The following HORMAD2 variants were observed in gnomAD, a reference collection of about 807,000 sequenced individuals.
The protein encoded by HORMAD2 is HORMA domain-containing protein 2.
Under a neutral mutation model 38.8 loss-of-function variants are expected in HORMAD2, and 45 were observed. The observed-to-expected ratio is 1.16, with a 90% CI of 0.91 to 1.49. HORMAD2 has a LOEUF of 1.49. HORMAD2 is among the 40% of genes most tolerant of loss of function. The pLI, the probability that HORMAD2 is intolerant of heterozygous loss-of-function variation, is 0.00. For missense variants in HORMAD2, 338 were observed against 367.0 expected, an observed-to-expected ratio of 0.92 and a Z score of 0.65; for synonymous variants, 126 against 122.8, an observed-to-expected ratio of 1.03 and a Z score of -0.17.
intron 10 of HORMAD2, among the ~76,000 whole-genome samples, chr22:30,138,417 C>A (rs569209206): frequency 6.6e-6 from 1 of 152,152 alleles, no homozygotes; most frequent in South Asian, 2.1e-4. Context: ...TTCCTCTCAC[C>A]TTGGCCCCCT....
At chr22:30,170,211 A>G (rs1165424479) in intron 10 of HORMAD2, among the ~76,000 whole-genome samples, 1 of 152,184 alleles carries the variant, frequency 6.6e-6, no homozygotes, top group African/African-American at 2.4e-5. Flanking sequence ...AAGAGAAAAC[A>G]TTTTGCCAGA....
chr22:30,124,250 A>G (rs1190584980), intron 10 of HORMAD2, among the ~76,000 whole-genome samples: 1 of 126,312 alleles, frequency 7.9e-6, no homozygotes, highest in Non-Finnish European at 1.6e-5. Flanking sequence ...TTCATGGAAT[A>G]CATGGAACAC....
intron 10 of HORMAD2, among the ~76,000 whole-genome samples, chr22:30,135,152 G>A (rs1358272026): frequency 6.6e-6 from 1 of 151,908 alleles, no homozygotes; most frequent in Non-Finnish European, 1.5e-5. Flanking sequence ...TAAAATTTCA[G>A]AAGAGAGGTA....
chr22:30,112,420 A>G (rs1601530258), intron 6 of HORMAD2, 76 bp from the exon 7 acceptor site: 1 of 713,248 alleles, frequency 1.4e-6, no homozygotes, highest in East Asian at 3.0e-5. Flanking sequence ...ATTGAACTCT[A>G]TATAAAAAAG....
chr22:30,197,826 T>G, the HORMAD2 span, among the ~76,000 whole-genome samples: 5 of 151,994 alleles, frequency 3.3e-5, no homozygotes, highest in African/African-American at 1.2e-4. Flanking sequence ...GAGATTAGTC[T>G]AAGGTTGAAT....
At chr22:30,087,013 C>T (rs1227290878) in intron 1 of HORMAD2, among the ~76,000 whole-genome samples, 1 of 151,904 alleles carries the variant, frequency 6.6e-6, no homozygotes, top group Non-Finnish European at 1.5e-5. Flanking sequence ...AAGCATGTGC[C>T]ACCACGCCCA....
At chr22:30,118,287 A>C (rs1246950092) in intron 7 of HORMAD2, among the ~76,000 whole-genome samples, 2 of 151,962 alleles carry the variant, frequency 1.3e-5, no homozygotes, top group Non-Finnish European at 2.9e-5. Flanking sequence ...ACCCTAGAAG[A>C]GGCATCCCTC....
intron 10 of HORMAD2, among the ~76,000 whole-genome samples, chr22:30,134,604 A>G (rs1482627872): frequency 6.6e-6 from 1 of 151,562 alleles, no homozygotes; most frequent in East Asian, 1.9e-4. Context: ...ATCCTAATAT[A>G]AATGCTAAAA....
At chr22:30,149,268 CA>C (rs1247969082) in intron 10 of HORMAD2, among the ~76,000 whole-genome samples, 1 of 152,084 alleles carries the variant, frequency 6.6e-6, no homozygotes, top group Non-Finnish European at 1.5e-5. Flanking sequence ...AAATCAATTC[CA>C]AACTTTATGC....
intron 6 of HORMAD2, 91 bp from the exon 7 acceptor site, chr22:30,112,405 C>T (rs1173530497): frequency 3.0e-6 from 2 of 668,266 alleles, no homozygotes; most frequent in South Asian, 1.7e-5. Context: ...ACTAATAGAA[C>T]ACAAATTGAA....
downstream of HORMAD2, among the ~76,000 whole-genome samples, chr22:30,180,469 G>C (rs923736221): frequency 7.2e-5 from 11 of 152,100 alleles, no homozygotes; most frequent in African/African-American, 2.7e-4. Context: ...GGGTAAGCAA[G>C]CAAAGTTAGT....
At chr22:30,136,867 C>G (rs1243074482) in intron 10 of HORMAD2, 1 of 384,862 alleles carries the variant, frequency 2.6e-6, no homozygotes, top group East Asian at 5.0e-5. Flanking sequence ...GATAGGCAAG[C>G]CTTTTCTATG....
downstream of HORMAD2, among the ~76,000 whole-genome samples, chr22:30,181,455 T>C (rs1926714442): frequency 6.6e-6 from 1 of 152,164 alleles, no homozygotes; most frequent in Non-Finnish European, 1.5e-5. Context: ...CGAAACTCCC[T>C]TTCCATCAAG....
chr22:30,128,515 G>T (rs1923035769), intron 10 of HORMAD2, among the ~76,000 whole-genome samples: 1 of 151,888 alleles, frequency 6.6e-6, no homozygotes, highest in African/African-American at 2.4e-5. Flanking sequence ...TCTTGATTTT[G>T]CTATTATAAA....
intron 10 of HORMAD2, among the ~76,000 whole-genome samples, chr22:30,125,241 T>TTTTTTTTTTTTTTTTTTTTTTTTTTTTA (rs1922773230): frequency 1.2e-5 from 1 of 83,046 alleles, no homozygotes; most frequent in African/African-American, 6.9e-5. Flanking sequence ...TTTTTTTTTT[T>TTTTTTTTTTTTTTTTTTTTTTTTTTTTA]TGAGACAGAG....
chr22:30,144,646 T>G (rs574723928), intron 10 of HORMAD2, among the ~76,000 whole-genome samples: 13 of 151,830 alleles, frequency 8.6e-5, no homozygotes, highest in Admixed American at 5.3e-4. Context: ...GACAGTAGAC[T>G]CAGATCTTCT....
At chr22:30,096,141 G>A (rs1485353882) in intron 2 of HORMAD2, among the ~76,000 whole-genome samples, 1 of 152,084 alleles carries the variant, frequency 6.6e-6, no homozygotes, top group Admixed American at 6.6e-5. Flanking sequence ...TTGCTATATA[G>A]TATTCCATTG....
chr22:30,205,133 C>T, the HORMAD2 span, among the ~76,000 whole-genome samples: 1 of 152,166 alleles, frequency 6.6e-6, no homozygotes, highest in East Asian at 1.9e-4. Context: ...AGACACTGCG[C>T]TGAGTTCTGC....
At chr22:30,147,667 G>A (rs1286170187) in intron 10 of HORMAD2, among the ~76,000 whole-genome samples, 4 of 151,858 alleles carry the variant, frequency 2.6e-5, no homozygotes, top group African/African-American at 9.7e-5. Context: ...AAATGAAAAG[G>A]CAAGCCAAAA....
Sources: gnomAD v4.1 joint callset for allele counts (sites outside exome capture counted in the v4.1 genomes callset) on GRCh38, gnomAD v4.1.1 for gene constraint, MANE v1.5 for transcripts, NCBI Gene and HGNC (gene_info 2026-07-23, HGNC 2026-07-21) for gene names.